The following ARHGAP15 variants were observed in gnomAD, a reference collection of about 807,000 sequenced individuals.
The protein encoded by ARHGAP15 is Rho GTPase activating protein 15.
Under a neutral mutation model 63.7 loss-of-function variants are expected in ARHGAP15, and 51 were observed. The ratio of observed to expected loss-of-function variants is 0.80; its 90% confidence interval spans 0.64 to 1.01. ARHGAP15 has a LOEUF of 1.01. Ranked by LOEUF, ARHGAP15 falls within the 50% of genes least tolerant of loss-of-function variation. The probability of loss-of-function intolerance (pLI) is 0.00; values close to 1 mark genes in which losing one functional copy is unlikely to be tolerated. For missense variants in ARHGAP15, 560 were observed against 564.6 expected (o/e 0.99, Z 0.08); for synonymous variants, 191 against 193.8 (o/e 0.99, Z 0.12).
At chr2:143,205,664 C>T (rs1198128191) in intron 3 of ARHGAP15, among the ~76,000 whole-genome samples, 2 of 152,084 alleles carry the variant, frequency 1.3e-5, no homozygotes, top group African/African-American at 2.4e-5. Context: ...GAAATGAAAT[C>T]CCTCAAGTTG....
At chr2:143,247,850 TA>T (rs1346788772) in intron 5 of ARHGAP15, among the ~76,000 whole-genome samples, 2 of 152,068 alleles carry the variant, frequency 1.3e-5, no homozygotes, top group South Asian at 2.1e-4. Context: ...CTTAACCATT[TA>T]AAAAAAATAC....
chr2:143,334,674 TAAA>T (rs1309526028), intron 6 of ARHGAP15, among the ~76,000 whole-genome samples: 1 of 152,124 alleles, frequency 6.6e-6, no homozygotes, highest in Non-Finnish European at 1.5e-5. Flanking sequence ...CTAATCACCA[TAAA>T]GAAGAAAATC....
intron 6 of ARHGAP15, among the ~76,000 whole-genome samples, chr2:143,397,608 A>G (rs528574752): frequency 6.6e-6 from 1 of 152,202 alleles, no homozygotes; most frequent in African/African-American, 2.4e-5. Context: ...TTTTACTTGC[A>G]GTCTTCTCAT....
At chr2:143,177,422 T>C (rs540591508) in intron 2 of ARHGAP15, among the ~76,000 whole-genome samples, 16 of 152,212 alleles carry the variant, frequency 1.1e-4, no homozygotes, top group African/African-American at 3.6e-4. Context: ...TCTCACCAAG[T>C]ATGGGTTACA....
chr2:143,750,878 G>A (rs1478795399), intron 13 of ARHGAP15, among the ~76,000 whole-genome samples: 2 of 152,164 alleles, frequency 1.3e-5, no homozygotes, highest in Non-Finnish European at 2.9e-5. Flanking sequence ...TACAGATATA[G>A]CGTGATGATT....
chr2:143,478,893 A>T (rs114539637), intron 8 of ARHGAP15, among the ~76,000 whole-genome samples: 1 of 152,196 alleles, frequency 6.6e-6, no homozygotes, highest in Admixed American at 6.5e-5. Context: ...CCTGGCTGAA[A>T]ATTTTGTTTG....
intron 10 of ARHGAP15, among the ~76,000 whole-genome samples, chr2:143,536,961 A>C (rs1332996464): frequency 6.6e-6 from 1 of 152,160 alleles, no homozygotes; most frequent in Non-Finnish European, 1.5e-5. Context: ...CGACTTCCAC[A>C]ATGGTTGAAC....
In ARHGAP15 at chr2:143,685,274, T is replaced by G. The variant is rs373090919; in HGVS notation, c.1139-18145T>G. Among the ~76,000 whole-genome samples the G allele has an allele frequency of 3.5e-4, 54 of 152,314 alleles. 1 individual carries two copies. Among genetic ancestry groups the G allele is most frequent in the Admixed American group, 9.8e-4 (15 of 15,300 alleles). ...AATACCACCGGCTCCTCTGAGTAAG[T>G]TGGTTGTGATTACAGTGCAGAAGCA... On this transcript the variant is annotated intron_variant, in intron 12 of 13. Coordinates refer to ENST00000295095, the MANE Select transcript of ARHGAP15 (RefSeq NM_018460.4).
intron 13 of ARHGAP15, among the ~76,000 whole-genome samples, chr2:143,707,590 C>T (rs1195983122): frequency 1.3e-5 from 2 of 152,038 alleles, no homozygotes; most frequent in Non-Finnish European, 2.9e-5. Context: ...CAATGTATCT[C>T]GAGAATGCAG....
chr2:143,356,731 T>C (rs1685825704), intron 6 of ARHGAP15, among the ~76,000 whole-genome samples: 1 of 152,154 alleles, frequency 6.6e-6, no homozygotes, highest in Non-Finnish European at 1.5e-5. Flanking sequence ...ACTGAGTTAA[T>C]TTTAAAAAAA....
chr2:143,202,741 G>A (rs578044969), intron 3 of ARHGAP15, among the ~76,000 whole-genome samples: 4 of 139,074 alleles, frequency 2.9e-5, no homozygotes, highest in Admixed American at 2.2e-4. Flanking sequence ...AGACTACAGA[G>A]GGCTTATTGT....
At chr2:143,261,173 A>C (rs1203083548) in intron 6 of ARHGAP15, among the ~76,000 whole-genome samples, 1 of 152,072 alleles carries the variant, frequency 6.6e-6, no homozygotes, top group African/African-American at 2.4e-5. Flanking sequence ...CCATTTAGTC[A>C]GGAGGATCAT....
chr2:143,179,672 G>C (rs1691150720), intron 2 of ARHGAP15, among the ~76,000 whole-genome samples: 1 of 152,180 alleles, frequency 6.6e-6, no homozygotes. Context: ...AGGATCACTT[G>C]AGCCTTGGGA....
chr2:143,619,570 A>G (rs777495877), intron 11 of ARHGAP15, among the ~76,000 whole-genome samples: 4 of 152,180 alleles, frequency 2.6e-5, no homozygotes, highest in Non-Finnish European at 5.9e-5. Flanking sequence ...ACTTCTTCCT[A>G]GGATTGGACT....
At chr2:143,181,666 T>C (rs72994542) in intron 2 of ARHGAP15, among the ~76,000 whole-genome samples, 1,584 of 152,344 alleles carry the variant, frequency 0.01, 33 homozygotes, top group African/African-American at 0.036. Flanking sequence ...TTCAAGGAAT[T>C]GAAGAGGGTT....
chr2:143,416,677 AGGTTGGAGCT>A (rs1163888096), intron 6 of ARHGAP15, among the ~76,000 whole-genome samples: 2 of 152,044 alleles, frequency 1.3e-5, no homozygotes, highest in Non-Finnish European at 2.9e-5. Context: ...TCCTGACCTC[AGGTTGGAGCT>A]TTTAGTGCAT....
At chr2:143,665,789 G>A (rs1453005691) in intron 12 of ARHGAP15, among the ~76,000 whole-genome samples, 2 of 151,708 alleles carry the variant, frequency 1.3e-5, no homozygotes, top group Non-Finnish European at 2.9e-5. Context: ...CAAACAGAAA[G>A]CCAAATCATG....
At chr2:143,546,496 C>T (rs1695335783) in intron 10 of ARHGAP15, among the ~76,000 whole-genome samples, 1 of 152,124 alleles carries the variant, frequency 6.6e-6, no homozygotes, top group South Asian at 2.1e-4. Context: ...CAGATTACTC[C>T]TCCTGAGACT....
intron 13 of ARHGAP15, among the ~76,000 whole-genome samples, chr2:143,744,923 C>T (rs1427014911): frequency 2.0e-5 from 3 of 152,258 alleles, no homozygotes; most frequent in East Asian, 1.9e-4. Flanking sequence ...AAAAATGAAG[C>T]AGATCTATAT....
Sources: gnomAD v4.1 joint callset for allele counts (sites outside exome capture counted in the v4.1 genomes callset) on GRCh38, gnomAD v4.1.1 for gene constraint, MANE v1.5 for transcripts, NCBI Gene and HGNC (gene_info 2026-07-23, HGNC 2026-07-21) for gene names.